IKZF2: variants seen among roughly 807,000 people sequenced by gnomAD.
The protein encoded by IKZF2 is zinc finger protein Helios.
IKZF2 carries 15 observed loss-of-function variants against 49.2 expected under a neutral mutation model. The ratio of observed to expected loss-of-function variants is 0.30; its 90% CI spans 0.20 to 0.47. The LOEUF (loss-of-function observed/expected upper bound fraction) is 0.47, where lower values mean the gene tolerates loss of function less well. Ranked by LOEUF, IKZF2 falls within the 20% of genes least tolerant of loss-of-function variation. The pLI is 1.00. For missense variants in IKZF2, 567 were observed against 664.6 expected (o/e 0.85, Z 1.61); for synonymous variants, 227 against 221.4 (o/e 1.03, Z -0.23).
intron 4 of IKZF2, among the ~76,000 whole-genome samples, chr2:213,105,415 G>C (rs2059490778): frequency 6.6e-6 from 1 of 152,006 alleles, no homozygotes; most frequent in Non-Finnish European, 1.5e-5. Flanking sequence ...TTAGAGCAAA[G>C]GAAAAACACA....
chr2:213,021,923 A>ATTTTATGT, intron 7 of IKZF2, 70 bp downstream of exon 7: 4 of 1,454,216 alleles, frequency 2.8e-6, no homozygotes, highest in Non-Finnish European at 3.7e-6. Flanking sequence ...ACAGCATAAG[A>ATTTTATGT]TTTTATCTTC....
At chr2:213,078,848 A>T (rs1703573603) in intron 4 of IKZF2, among the ~76,000 whole-genome samples, 1 of 152,168 alleles carries the variant, frequency 6.6e-6, no homozygotes, top group Non-Finnish European at 1.5e-5. Flanking sequence ...ATGTTAACCA[A>T]CTGTGTTCAC....
chr2:213,119,347 C>G (rs979365490), intron 4 of IKZF2, among the ~76,000 whole-genome samples: 1 of 152,122 alleles, frequency 6.6e-6, no homozygotes, highest in Non-Finnish European at 1.5e-5. Flanking sequence ...AAGTACTCAT[C>G]CTACCACAAC....
intron 4 of IKZF2, among the ~76,000 whole-genome samples, chr2:213,109,348 T>C (rs957032055): frequency 6.6e-6 from 1 of 152,078 alleles, no homozygotes; most frequent in Non-Finnish European, 1.5e-5. Flanking sequence ...CTTGTTAATA[T>C]TCATCTTGCA....
chr2:213,039,720 T>C (rs1319961445), intron 6 of IKZF2, among the ~76,000 whole-genome samples: 12 of 152,092 alleles, frequency 7.9e-5, no homozygotes, highest in Admixed American at 3.3e-4. Flanking sequence ...TATTTTTAAG[T>C]GATATACACA....
At chr2:213,086,478 T>C (rs935441384) in intron 4 of IKZF2, among the ~76,000 whole-genome samples, 2 of 152,210 alleles carry the variant, frequency 1.3e-5, no homozygotes, top group African/African-American at 4.8e-5. Context: ...TGAATGTGTG[T>C]GGCTGAAGGG....
rs1201879770 is a variant in IKZF2, at chr2:213,141,618, TTAATA to T, written c.139+6085_139+6089del. ...CCAGTTACTCCTAAATCCTATTCAT[TTAATA>T]AGTCTCGGCTCAAGCAGTCTCCCCC... On this transcript the variant is annotated intron_variant, in intron 4 of 8. Coordinates refer to ENST00000434687, the MANE Select transcript of IKZF2 (RefSeq NM_001387220.1). 3.9e-5 allele frequency among the ~76,000 whole-genome samples: 6 copies of T among 152,056 alleles called. No individual in the cohort carries two copies. In the East Asian group the frequency reaches 1.2e-3, roughly 29 times the overall value.
At chr2:213,104,036 C>G (rs1415465079) in intron 4 of IKZF2, among the ~76,000 whole-genome samples, 2 of 151,842 alleles carry the variant, frequency 1.3e-5, no homozygotes, top group Non-Finnish European at 2.9e-5. Context: ...TTTTAATGCT[C>G]ACAAGACACA....
At chr2:213,124,117 T>C (rs1291564749) in intron 4 of IKZF2, among the ~76,000 whole-genome samples, 1 of 152,018 alleles carries the variant, frequency 6.6e-6, no homozygotes, top group Non-Finnish European at 1.5e-5. Flanking sequence ...AGGATATTCT[T>C]GCTTTGTTAA....
intron 8 of IKZF2, among the ~76,000 whole-genome samples, chr2:213,012,219 CTTAA>C (rs957991932): frequency 1.3e-5 from 2 of 151,580 alleles, no homozygotes; most frequent in Non-Finnish European, 1.5e-5. Flanking sequence ...CTCTCAAATT[CTTAA>C]TTAAAAATAT....
Position 213,140,191 on chromosome 2 carries a change from A to T in IKZF2, c.139+7517T>A, listed in dbSNP as rs1284053758. 2.0e-5 allele frequency among the ~76,000 whole-genome samples: 3 copies of T among 152,022 alleles called. No homozygotes were observed. The East Asian group carries it at 5.8e-4, about 29-fold the overall frequency. On this transcript the variant is annotated intron_variant, in intron 4 of 8. Transcript: ENST00000434687. Reference sequence around the variant, plus strand: ...AGCATTAACATTCATTTGGAATTCTATGGTGTCTTGGGTAGTCAGCGCTTA... The same window carrying T: ...AGCATTAACATTCATTTGGAATTCTTTGGTGTCTTGGGTAGTCAGCGCTTA...
rs1697063603 is a variant in IKZF2 at position 213,020,276 on chromosome 2, G to A, written c.712+1717C>T. ...ACTTCTAATGCTTAAGTTACTGCTGGTAAATAACAAATTTATAGGGAATAG... is the reference window on the plus strand; with the variant it reads ...ACTTCTAATGCTTAAGTTACTGCTGATAAATAACAAATTTATAGGGAATAG... On this transcript the variant is annotated intron_variant, in intron 7 of 8. Coordinates refer to ENST00000434687, the MANE Select transcript of IKZF2 (RefSeq NM_001387220.1). 2.0e-5 allele frequency among the ~76,000 whole-genome samples: 3 copies of A among 152,178 alleles called. 1 individual carries two copies. In the South Asian group the frequency reaches 6.2e-4, roughly 32 times the overall value.
intron 4 of IKZF2, among the ~76,000 whole-genome samples, chr2:213,097,038 A>T (rs1224236856): frequency 1.3e-5 from 2 of 151,980 alleles, no homozygotes; most frequent in African/African-American, 4.8e-5. Flanking sequence ...GCCAATTTAA[A>T]ATCAATTATT....
intron 6 of IKZF2, among the ~76,000 whole-genome samples, chr2:213,044,604 TG>T (rs538251573): frequency 1.1e-3 from 162 of 152,302 alleles, no homozygotes; most frequent in South Asian, 5.0e-3. Context: ...TGGCATTACT[TG>T]CTAAAGCAGC....
At chr2:213,145,187 AAT>A (rs1491161139) in intron 4 of IKZF2, among the ~76,000 whole-genome samples, 1 of 151,466 alleles carries the variant, frequency 6.6e-6, no homozygotes, top group African/African-American at 2.4e-5. Context: ...AAAAAAAAAA[AAT>A]TTACTTATTT....
intron 4 of IKZF2, among the ~76,000 whole-genome samples, chr2:213,134,729 TTCTAA>T (rs1332073727): frequency 6.6e-6 from 1 of 152,212 alleles, no homozygotes; most frequent in African/African-American, 2.4e-5. Flanking sequence ...CCAGAAACCA[TTCTAA>T]TCTTATTGCC....
chr2:213,102,585 C>T lies in IKZF2; in HGVS notation c.139+45123G>A, dbSNP rs967347233. Among the ~76,000 whole-genome samples, 14 of 151,288 alleles carry T rather than the reference C, an allele frequency of 9.3e-5. No individual in the cohort carries two copies. In the Admixed American group the frequency reaches 9.3e-4, roughly 10 times the overall value. ...TCAATCTCATAAAATCTCAATAACT[C>T]TTCATTAGAAATTAAACAAAAATAA... On this transcript the variant is annotated intron_variant, in intron 4 of 8. Transcript: ENST00000434687.
intron 4 of IKZF2, among the ~76,000 whole-genome samples, chr2:213,075,380 A>G (rs926607688): frequency 5.3e-5 from 8 of 152,158 alleles, no homozygotes; most frequent in Admixed American, 2.0e-4. Flanking sequence ...GGTTTTTGCC[A>G]TAATATTTAA....
chr2:213,061,339 G>A (rs1200377302), intron 4 of IKZF2, among the ~76,000 whole-genome samples: 1 of 150,980 alleles, frequency 6.6e-6, no homozygotes, highest in African/African-American at 2.4e-5. Flanking sequence ...CCTTTACACA[G>A]GTAAACAGGT....
Sources: gnomAD v4.1 joint callset for allele counts (sites outside exome capture counted in the v4.1 genomes callset) on GRCh38, gnomAD v4.1.1 for gene constraint, MANE v1.5 for transcripts, NCBI Gene and HGNC (gene_info 2026-07-23, HGNC 2026-07-21) for gene names.